TAFA5: variants seen among roughly 807,000 people sequenced by gnomAD.
TAFA5 encodes the protein chemokine-like protein TAFA-5.
Under a neutral mutation model 15.3 loss-of-function variants are expected in TAFA5, and 6 were observed. That is an observed-to-expected ratio of 0.39 (90% CI 0.21 to 0.77). The LOEUF is 0.77. TAFA5 is among the 30% of genes least tolerant of loss of function. The pLI, the probability that TAFA5 is intolerant of heterozygous loss-of-function variation, is 0.41. For missense variants in TAFA5, 161 were observed against 193.1 expected (o/e 0.83, Z 0.98); for synonymous variants, 103 against 80.7 (o/e 1.28, Z -1.48).
intron 3 of TAFA5, among the ~76,000 whole-genome samples, chr22:48,743,486 C>T (rs1007509495): frequency 1.3e-5 from 2 of 152,224 alleles, no homozygotes; most frequent in African/African-American, 4.8e-5. Flanking sequence ...CCAAGTAAGA[C>T]CCCATGCACA....
intron 1 of TAFA5, among the ~76,000 whole-genome samples, chr22:48,585,017 ACAC>A (rs1474966809): frequency 7.2e-6 from 1 of 138,016 alleles, no homozygotes; most frequent in Non-Finnish European, 1.5e-5. Context: ...CATGCAGAAT[ACAC>A]CACACACACT....
intron 1 of TAFA5, among the ~76,000 whole-genome samples, chr22:48,586,286 G>T (rs62225930): frequency 0.055 from 8,357 of 152,334 alleles, 249 homozygotes; most frequent in Middle Eastern, 0.071. Flanking sequence ...CATTGCACAC[G>T]CACCTCCTGC....
intron 2 of TAFA5, among the ~76,000 whole-genome samples, chr22:48,686,432 C>T (rs1200179226): frequency 6.6e-6 from 1 of 152,192 alleles, no homozygotes; most frequent in Admixed American, 6.5e-5. Context: ...CTCTCAGGTC[C>T]TTTTTGTAAG....
intron 1 of TAFA5, among the ~76,000 whole-genome samples, chr22:48,572,585 C>T (rs1923627059): frequency 6.6e-6 from 1 of 152,216 alleles, no homozygotes; most frequent in South Asian, 2.1e-4. Flanking sequence ...GAGTTTTTCA[C>T]TCCAGAAGCA....
chr22:48,688,389 T>A (rs956683402), intron 2 of TAFA5, among the ~76,000 whole-genome samples: 3 of 152,334 alleles, frequency 2.0e-5, no homozygotes, highest in East Asian at 3.9e-4. Flanking sequence ...GTTTTGCAGA[T>A]TTTTCTTTTT....
At chr22:48,619,814 C>T (rs1440551196) in intron 1 of TAFA5, among the ~76,000 whole-genome samples, 2 of 152,250 alleles carry the variant, frequency 1.3e-5, no homozygotes, top group African/African-American at 4.8e-5. Context: ...GAGCGGCATG[C>T]TGGGGTGGGA....
chr22:48,588,666 A>AT (rs1339734035), intron 1 of TAFA5, among the ~76,000 whole-genome samples: 1 of 152,114 alleles, frequency 6.6e-6, no homozygotes, highest in Non-Finnish European at 1.5e-5. Context: ...TGGGGGCACG[A>AT]TTCGGTGCCA....
At chr22:48,707,497 G>A (rs1014681755) in intron 2 of TAFA5, among the ~76,000 whole-genome samples, 6 of 152,156 alleles carry the variant, frequency 3.9e-5, no homozygotes, top group Admixed American at 2.0e-4. Context: ...ACGACTGGCC[G>A]ATGGCAGAGC....
At chr22:48,583,762 G>C (rs988418259) in intron 1 of TAFA5, among the ~76,000 whole-genome samples, 7 of 8,234 alleles carry the variant, frequency 8.5e-4, no homozygotes, top group African/African-American at 3.4e-3. Context: ...CACAGTACAC[G>C]CCACAGAAAA....
intron 3 of TAFA5, among the ~76,000 whole-genome samples, chr22:48,727,827 C>A (rs1369661450): frequency 1.3e-5 from 2 of 152,196 alleles, no homozygotes; most frequent in African/African-American, 4.8e-5. Flanking sequence ...TATATTGATA[C>A]ATTTACTTAT....
chr22:48,673,737 G>C (rs1174588744), intron 2 of TAFA5, among the ~76,000 whole-genome samples: 1 of 152,190 alleles, frequency 6.6e-6, no homozygotes, highest in Non-Finnish European at 1.5e-5. Context: ...AGGGTGGAAG[G>C]TGAAGGTGCA....
intron 1 of TAFA5, among the ~76,000 whole-genome samples, chr22:48,574,138 T>C (rs1009465964): frequency 7.2e-5 from 11 of 152,054 alleles, no homozygotes; most frequent in Non-Finnish European, 1.3e-4. Flanking sequence ...GAAATGGGGT[T>C]TTGAAGGGGA....
At chr22:48,646,303 G>C (rs1343627371) in intron 1 of TAFA5, among the ~76,000 whole-genome samples, 1 of 152,212 alleles carries the variant, frequency 6.6e-6, no homozygotes, top group Non-Finnish European at 1.5e-5. Context: ...TCATTTCCGG[G>C]CGTGATAAAG....
chr22:48,734,026 C>A (rs1474123500), intron 3 of TAFA5, among the ~76,000 whole-genome samples: 2 of 152,190 alleles, frequency 1.3e-5, no homozygotes, highest in African/African-American at 2.4e-5. Flanking sequence ...GAGAAGTCCA[C>A]TCTGCATATG....
intron 1 of TAFA5, among the ~76,000 whole-genome samples, chr22:48,526,451 C>A (rs113734401): frequency 6.6e-6 from 1 of 152,226 alleles, no homozygotes; most frequent in Admixed American, 6.5e-5. Context: ...TGAATACTGG[C>A]CACCTGGAGC....
chr22:48,705,315 A>G (rs1929045166), intron 2 of TAFA5, among the ~76,000 whole-genome samples: 1 of 152,132 alleles, frequency 6.6e-6, no homozygotes. Context: ...TGTGGCAGGC[A>G]TGACCAGCCC....
chr22:48,524,932 T>G (rs1246361621), intron 1 of TAFA5, among the ~76,000 whole-genome samples: 6 of 152,166 alleles, frequency 3.9e-5, no homozygotes, highest in Non-Finnish European at 5.9e-5. Flanking sequence ...CTGTGGGTAG[T>G]TGAGCCAGGT....
intron 2 of TAFA5, among the ~76,000 whole-genome samples, chr22:48,675,552 C>G (rs1235044186): frequency 6.6e-6 from 1 of 152,260 alleles, no homozygotes; most frequent in Admixed American, 6.5e-5. Flanking sequence ...CAAGTGGACC[C>G]CCCACCAGCT....
rs1386191874 is a variant in TAFA5 at position 48,646,637 on chromosome 22, C to T, written c.153C>T (p.Asp51=). 6.2e-7 allele frequency: 1 copy of T among 1,612,410 alleles called. No homozygotes were observed. Among genetic ancestry groups the T allele is most frequent in the Non-Finnish European group, 8.5e-7 (1 of 1,179,764 alleles). ...AAGTCEIVTL[D]RDSSQPRRTI... is the part of the protein sequence containing the mutation. Reference sequence around the variant, plus strand: ...GCACCTGTGAGATTGTGACCTTGGACCGGGACAGCAGCCAGCCTCGGAGGA... The same window carrying T: ...GCACCTGTGAGATTGTGACCTTGGATCGGGACAGCAGCCAGCCTCGGAGGA... The change falls in exon 2 of 4, where the codon GAC becomes GAT. Residue 51 remains aspartate (D), a synonymous_variant. Transcript: ENST00000402357.
Sources: allele counts gnomAD v4.1 joint callset (sites outside exome capture counted in the v4.1 genomes callset), GRCh38; gene constraint gnomAD v4.1.1; transcripts MANE v1.5; gene names NCBI Gene and HGNC (gene_info 2026-07-23, HGNC 2026-07-21).